Variants in UBAC2 observed in about 807,000 individuals in gnomAD.
UBAC2 encodes the protein ubiquitin-associated domain-containing protein 2.
Under a neutral mutation model 44.0 loss-of-function variants are expected in UBAC2, and 26 were observed. That is an observed-to-expected ratio of 0.59 (90% CI 0.43 to 0.82). The LOEUF (loss-of-function observed/expected upper bound fraction) is 0.82. Among genes scored for constraint, UBAC2 ranks in the 40% least tolerant of loss-of-function variants. The pLI is 0.00. For missense variants in UBAC2, 329 were observed against 419.4 expected (o/e 0.78, Z 1.88); for synonymous variants, 155 against 154.3 (o/e 1.00, Z -0.04).
At chr13:99,254,050 A>G (rs2043496740) in intron 4 of UBAC2, among the ~76,000 whole-genome samples, 1 of 152,220 alleles carries the variant, frequency 6.6e-6, no homozygotes, top group South Asian at 2.1e-4. Context: ...GGCAAGGCTA[A>G]GAAATCCAAG....
At chr13:99,254,925 T>C (rs2043515210) in intron 4 of UBAC2, 1 of 1,613,928 alleles carries the variant, frequency 6.2e-7, no homozygotes, top group African/African-American at 1.3e-5. Flanking sequence ...GACTACCAGA[T>C]CGGAAACTTT....
intron 1 of UBAC2, chr13:99,215,401 C>G: frequency 7.9e-7 from 1 of 1,269,070 alleles, no homozygotes; most frequent in Non-Finnish European, 1.2e-6. Flanking sequence ...CCTTTCTTCC[C>G]AATCAGAGAT....
intron 5 of UBAC2, among the ~76,000 whole-genome samples, chr13:99,316,414 A>AATGG (rs1185990367): frequency 6.6e-6 from 1 of 151,948 alleles, no homozygotes; most frequent in Non-Finnish European, 1.5e-5. Flanking sequence ...TGAATGAATG[A>AATGG]ATGGATGAAT....
chr13:99,284,270 G>A (rs1011149737), intron 4 of UBAC2, among the ~76,000 whole-genome samples: 3 of 152,196 alleles, frequency 2.0e-5, no homozygotes, highest in Admixed American at 1.3e-4. Flanking sequence ...CATGAATGGG[G>A]CCTGAAGAAG....
intron 4 of UBAC2, chr13:99,261,780 A>C (rs948696998): frequency 6.6e-6 from 1 of 152,464 alleles, no homozygotes; most frequent in African/African-American, 2.4e-5. Context: ...AAGGCAGCAG[A>C]TTGAGCAGAA....
At chr13:99,221,298 G>T (rs759128579) in intron 1 of UBAC2, among the ~76,000 whole-genome samples, 2 of 152,036 alleles carry the variant, frequency 1.3e-5, no homozygotes, top group African/African-American at 4.8e-5. Flanking sequence ...TTTATATTTC[G>T]TTCACAATTA....
intron 8 of UBAC2, among the ~76,000 whole-genome samples, chr13:99,371,026 C>T (rs9517699): frequency 0.97 from 148,022 of 152,316 alleles, 72,053 homozygotes; most frequent in East Asian, 1. Context: ...TGAGTCACAT[C>T]CCTCATGGGG....
chr13:99,255,752 T>A, intron 4 of UBAC2: 2 of 1,614,044 alleles, frequency 1.2e-6, no homozygotes, highest in Non-Finnish European at 1.7e-6. Context: ...AATGCAGTGA[T>A]GTTAACAAAT....
intron 4 of UBAC2, among the ~76,000 whole-genome samples, chr13:99,267,115 G>C (rs910317574): frequency 6.6e-6 from 1 of 151,074 alleles, no homozygotes; most frequent in Non-Finnish European, 1.5e-5. Flanking sequence ...TTCCATTTCC[G>C]ATGATGAGTG....
intron 1 of UBAC2, among the ~76,000 whole-genome samples, chr13:99,218,666 A>C (rs984037004): frequency 1.3e-5 from 2 of 152,100 alleles, no homozygotes; most frequent in Non-Finnish European, 2.9e-5. Flanking sequence ...GCAGGTGTCC[A>C]GTGTCATTGA....
chr13:99,354,675 A>G lies in UBAC2; in HGVS notation c.808-13112A>G, dbSNP rs536464188. ...AGGATGTAATTTAGAGAAGTAATTT[A>G]CGATGGGGCTGGTTTGGGCAGACCT... On this transcript the variant is annotated intron_variant, in intron 7 of 8. Coordinates refer to ENST00000403766, the MANE Select transcript of UBAC2 (RefSeq NM_001144072.2). Among the ~76,000 whole-genome samples, 8 of 151,878 alleles carry G rather than the reference A, an allele frequency of 5.3e-5. 1 individual carries two copies. The South Asian group carries it at 1.7e-3, about 31-fold the overall frequency.
chr13:99,232,399 G>GAGATAGATATAT lies in UBAC2; in HGVS notation c.32-6027_32-6026insGATAGATATATA, dbSNP rs1367302629. 2.4e-3 allele frequency among the ~76,000 whole-genome samples: 265 copies of GAGATAGATATAT among 109,956 alleles called. 3 individuals are homozygous for GAGATAGATATAT. The highest frequency in any genetic ancestry group is 6.9e-3 in the African/African-American group (243 of 35,176). 72.1% of individuals were successfully genotyped at this position (109,956 alleles called of 152,430 possible). A position where few individuals can be genotyped will look rare whatever the true frequency, so the allele number is the denominator to read the frequency against. On this transcript the variant is annotated intron_variant, in intron 1 of 8. Transcript: ENST00000403766. ...AGACCCTGTCCATCCTTAGTTGAGAGATATAGATATATATATATATATTCA... is the reference window on the plus strand; with the variant it reads ...AGACCCTGTCCATCCTTAGTTGAGAGAGATAGATATATATATAGATATATATATATATATTCA...
intron 2 of UBAC2, 32 bp from the exon 3 acceptor site, chr13:99,243,798 CTT>C: frequency 1.9e-6 from 3 of 1,540,384 alleles, no homozygotes; most frequent in Non-Finnish European, 2.6e-6. Context: ...AAATTTTACT[CTT>C]GTTTATTGTT....
intron 4 of UBAC2, among the ~76,000 whole-genome samples, chr13:99,251,289 G>A (rs2043455343): frequency 6.6e-6 from 1 of 152,030 alleles, no homozygotes. Flanking sequence ...GAGTCTTTAG[G>A]GTTTTCTAGG....
intron 7 of UBAC2, among the ~76,000 whole-genome samples, chr13:99,361,491 A>G (rs577165345): frequency 6.6e-6 from 1 of 152,356 alleles, no homozygotes; most frequent in African/African-American, 2.4e-5. Context: ...CTTGTAAGAA[A>G]TGAAATGGAA....
chr13:99,238,888 T>G (rs2043269866), intron 2 of UBAC2, among the ~76,000 whole-genome samples: 1 of 152,250 alleles, frequency 6.6e-6, no homozygotes, highest in Non-Finnish European at 1.5e-5. Context: ...TGCCAAAACC[T>G]TGTCTCAATT....
chr13:99,380,949 A>G (rs1368710016), intron 8 of UBAC2, among the ~76,000 whole-genome samples: 1 of 152,238 alleles, frequency 6.6e-6, no homozygotes, highest in East Asian at 1.9e-4. Context: ...GAGGATGAAG[A>G]GCGAGCCCGC....
intron 6 of UBAC2, among the ~76,000 whole-genome samples, chr13:99,335,511 C>G (rs1380391984): frequency 6.6e-6 from 1 of 152,076 alleles, no homozygotes; most frequent in Admixed American, 6.5e-5. Context: ...TTCTGTGATT[C>G]TGTAGTTACC....
chr13:99,314,018 A>T (rs1193494092), intron 4 of UBAC2, 79 bp from the exon 5 acceptor site: 2 of 1,315,246 alleles, frequency 1.5e-6, no homozygotes, highest in Non-Finnish European at 2.1e-6. Flanking sequence ...AATTATAAGC[A>T]GTGTTACTTC....
Sources: gnomAD v4.1 joint callset for allele counts (sites outside exome capture counted in the v4.1 genomes callset) on GRCh38, gnomAD v4.1.1 for gene constraint, MANE v1.5 for transcripts, NCBI Gene and HGNC (gene_info 2026-07-23, HGNC 2026-07-21) for gene names.